LAPTM5: variants seen among roughly 807,000 people sequenced by gnomAD.
The protein encoded by LAPTM5 is lysosomal protein transmembrane 5.
Under a neutral mutation model 30.1 loss-of-function variants are expected in LAPTM5, and 11 were observed. The ratio of observed to expected loss-of-function variants is 0.37; its 90% CI spans 0.23 to 0.60. The LOEUF (loss-of-function observed/expected upper bound fraction) is 0.60, where lower values mean the gene tolerates loss of function less well. LAPTM5 is among the 20% of genes least tolerant of loss of function. The pLI, the probability that LAPTM5 is intolerant of heterozygous loss-of-function variation, is 0.71. For missense variants in LAPTM5, 324 were observed against 332.5 expected (o/e 0.97, Z 0.20); for synonymous variants, 151 against 137.9 (o/e 1.10, Z -0.67).
In LAPTM5 at chr1:30,739,095, G is replaced by A. The variant is rs1208912892; in HGVS notation, c.388-33C>T. The A allele has an allele frequency of 6.4e-7, 1 of 1,561,656 alleles. No homozygotes were observed. Among genetic ancestry groups the A allele is most frequent in the Non-Finnish European group, 8.7e-7 (1 of 1,151,754 alleles). Reference sequence around the variant, plus strand: ...GGACAAATACAAGGAGGAGGAATGAGGAGCAGCAATTAAAGTCCCAGTTAC... The same window carrying A: ...GGACAAATACAAGGAGGAGGAATGAAGAGCAGCAATTAAAGTCCCAGTTAC... On this transcript the variant is annotated intron_variant, in intron 4 of 7. Transcript: ENST00000294507. The surrounding 1 kb of genome is among the most constrained non-coding windows in gnomAD (Gnocchi z 4.2).
rs762280276 is a variant in LAPTM5 at position 30,733,619 on chromosome 1, G to C, written c.*209C>G. On this transcript the variant is annotated 3_prime_UTR_variant, in exon 8 of 8. Transcript: ENST00000294507. ...GTTGGGCTGAATTATGGAGAGACCC[G>C]AGGAGTGACTCAGCCTAAAGCGTTG... The C allele has an allele frequency of 1.3e-6, 2 of 1,531,218 alleles. No individual in the cohort carries two copies. The highest frequency in any genetic ancestry group is 2.4e-5 in the South Asian group (2 of 83,194). 94.9% of individuals were successfully genotyped at this position (1,531,218 alleles called of 1,614,324 possible).
chr1:30,738,792 C>A, intron 5 of LAPTM5, 148 bp downstream of exon 5: 2 of 867,146 alleles, frequency 2.3e-6, no homozygotes, highest in Non-Finnish European at 3.4e-6. Context: ...TGAGAGGGCT[C>A]CCTCAATAAA....
intron 1 of LAPTM5, among the ~76,000 whole-genome samples, chr1:30,749,363 G>A (rs913963611): frequency 1.3e-5 from 2 of 152,216 alleles, no homozygotes; most frequent in African/African-American, 2.4e-5. Flanking sequence ...GGCTCTAGGG[G>A]CCTCTGGGTG....
At chr1:30,748,012 C>T (rs1461587675) in intron 1 of LAPTM5, among the ~76,000 whole-genome samples, 3 of 151,960 alleles carry the variant, frequency 2.0e-5, no homozygotes, top group Non-Finnish European at 4.4e-5. Context: ...CAAGAACCCC[C>T]GATTCTGGGG....
intron 5 of LAPTM5, among the ~76,000 whole-genome samples, chr1:30,738,264 G>A (rs896663838): frequency 9.9e-5 from 15 of 152,232 alleles, no homozygotes; most frequent in Non-Finnish European, 2.2e-4. Context: ...TGTGGCAGAA[G>A]TGATAGAAGT....
chr1:30,733,835 T>G lies in LAPTM5; in HGVS notation c.782A>C (p.Glu261Ala). Reference sequence around the variant, plus strand: ...GCTGGGGCCTGGCGAGGGTCACACCTCTGAGTATGGGGGTGGTGCTGGGCC... The same window carrying G: ...GCTGGGGCCTGGCGAGGGTCACACCGCTGAGTATGGGGGTGGTGCTGGGCC... ...EGGPAPPPYS[E>A]V The change falls in exon 8 of 8, where the codon GAG becomes GCG. Residue 261 changes from glutamate (E) to alanine (A), a missense_variant. Coordinates refer to ENST00000294507, the MANE Select transcript of LAPTM5 (RefSeq NM_006762.3). 1 of 1,605,072 alleles carries G rather than the reference T, an allele frequency of 6.2e-7. No individual in the cohort carries two copies. Among genetic ancestry groups the G allele is most frequent in the South Asian group, 1.1e-5 (1 of 90,174 alleles).
At chr1:30,737,978 G>A (rs922419284) in intron 5 of LAPTM5, among the ~76,000 whole-genome samples, 5 of 152,184 alleles carry the variant, frequency 3.3e-5, no homozygotes, top group Admixed American at 6.5e-5. Flanking sequence ...GGTGTCAGCT[G>A]CCCATGGGCC....
At chr1:30,742,351 T>A in intron 2 of LAPTM5, 105 bp downstream of exon 2, 1 of 755,528 alleles carries the variant, frequency 1.3e-6, no homozygotes, top group Non-Finnish European at 2.3e-6. Context: ...TCATCCATCG[T>A]CCATGGAGAG....
intron 1 of LAPTM5, among the ~76,000 whole-genome samples, chr1:30,743,344 T>G (rs1388126536): frequency 6.6e-6 from 1 of 152,216 alleles, no homozygotes; most frequent in Non-Finnish European, 1.5e-5. Context: ...AACCCCACAC[T>G]CTCAGATGAC....
At chr1:30,742,431 C>T in intron 2 of LAPTM5, 25 bp downstream of exon 2, 1 of 1,581,370 alleles carries the variant, frequency 6.3e-7, no homozygotes, top group Non-Finnish European at 8.7e-7. Flanking sequence ...CCCCCCGCCA[C>T]TCCACCGGCG....
At chr1:30,734,979 G>T (rs187822247) in intron 7 of LAPTM5, among the ~76,000 whole-genome samples, 194 bp downstream of exon 7, 3 of 152,312 alleles carry the variant, frequency 2.0e-5, no homozygotes, top group Admixed American at 2.0e-4. Context: ...AGAGTGAGAG[G>T]CAGTAAATAC....
intron 6 of LAPTM5, among the ~76,000 whole-genome samples, chr1:30,736,185 C>T (rs928305096): frequency 2.0e-5 from 3 of 152,048 alleles, no homozygotes; most frequent in Non-Finnish European, 4.4e-5. Flanking sequence ...CTCACTAGTG[C>T]GTTTGTGCTA....
At chr1:30,754,986 A>G (rs1302293511) in intron 1 of LAPTM5, among the ~76,000 whole-genome samples, 1 of 152,206 alleles carries the variant, frequency 6.6e-6, no homozygotes, top group African/African-American at 2.4e-5. Context: ...CAGCTAGCCT[A>G]TGGGAAAGCC....
At chr1:30,736,345 A>G (rs1026814601) in intron 6 of LAPTM5, among the ~76,000 whole-genome samples, 8 of 152,156 alleles carry the variant, frequency 5.3e-5, no homozygotes, top group African/African-American at 1.9e-4. Flanking sequence ...CTGGGGGGAA[A>G]TGCACCCAGT....
At chr1:30,749,639 G>C (rs1047031519) in intron 1 of LAPTM5, among the ~76,000 whole-genome samples, 28 of 152,178 alleles carry the variant, frequency 1.8e-4, no homozygotes, top group African/African-American at 6.8e-4. Context: ...ACAGGGCTCT[G>C]GGTCAACACC....
chr1:30,738,041 CCACTAAT>C (rs1400248386), intron 5 of LAPTM5, among the ~76,000 whole-genome samples: 1 of 152,180 alleles, frequency 6.6e-6, no homozygotes, highest in Non-Finnish European at 1.5e-5. Context: ...ACCACCTAAT[CCACTAAT>C]ACCTGGGAGG....
intron 1 of LAPTM5, among the ~76,000 whole-genome samples, chr1:30,747,551 C>T (rs780120735): frequency 6.6e-5 from 10 of 152,154 alleles, no homozygotes; most frequent in East Asian, 3.9e-4. Context: ...CCCGTCTGCA[C>T]GCAGCCTTTC....
intron 1 of LAPTM5, among the ~76,000 whole-genome samples, chr1:30,745,154 A>C (rs933927582): frequency 6.6e-6 from 1 of 151,848 alleles, no homozygotes; most frequent in African/African-American, 2.4e-5. Context: ...GTACAGCCTA[A>C]CTCCATGCCA....
intron 1 of LAPTM5, among the ~76,000 whole-genome samples, chr1:30,757,298 A>G (rs1318812466): frequency 6.6e-6 from 1 of 152,230 alleles, no homozygotes; most frequent in Non-Finnish European, 1.5e-5. Flanking sequence ...CCTGCCTTCC[A>G]AAGCACTTTC....
Sources: allele counts gnomAD v4.1 joint callset (sites outside exome capture counted in the v4.1 genomes callset), GRCh38; gene constraint gnomAD v4.1.1; non-coding constraint Gnocchi (gnomAD v3.1); transcripts MANE v1.5; gene names NCBI Gene and HGNC (gene_info 2026-07-23, HGNC 2026-07-21).